The following DYNC1I1 variants were observed in gnomAD, a reference collection of about 807,000 sequenced individuals.
DYNC1I1 encodes dynein cytoplasmic 1 intermediate chain 1.
In DYNC1I1, 43 loss-of-function variants were observed where a neutral mutation model predicts 86.6. The ratio of observed to expected loss-of-function variants is 0.50; its 90% CI spans 0.39 to 0.64. DYNC1I1 has a LOEUF of 0.64. Among genes scored for constraint, DYNC1I1 ranks in the 30% least tolerant of loss-of-function variants. The pLI is 0.00. For missense variants in DYNC1I1, 604 were observed against 788.8 expected (o/e 0.77, Z 2.81); for synonymous variants, 262 against 283.7 (o/e 0.92, Z 0.77).
chr7:96,013,411 T>G (rs1794325649), intron 10 of DYNC1I1, among the ~76,000 whole-genome samples: 1 of 152,086 alleles, frequency 6.6e-6, no homozygotes, highest in Non-Finnish European at 1.5e-5. Context: ...GATAATAAAT[T>G]TATGTTGTTT....
At chr7:95,827,315 A>C (rs934508081) in intron 4 of DYNC1I1, among the ~76,000 whole-genome samples, 3 of 152,200 alleles carry the variant, frequency 2.0e-5, no homozygotes, top group Non-Finnish European at 2.9e-5. Flanking sequence ...CCTGGCTGAG[A>C]AAAGTCCTGG....
intron 6 of DYNC1I1, among the ~76,000 whole-genome samples, chr7:95,975,885 A>G (rs535912778): frequency 1.1e-4 from 16 of 152,304 alleles, no homozygotes; most frequent in African/African-American, 3.8e-4. Context: ...TCTTCACTAG[A>G]CTTTGTGTTT....
chr7:95,937,364 T>C (rs1792074097), intron 6 of DYNC1I1, among the ~76,000 whole-genome samples: 1 of 152,074 alleles, frequency 6.6e-6, no homozygotes, highest in Non-Finnish European at 1.5e-5. Flanking sequence ...GTGATGGGTA[T>C]GTTAATTAGC....
intron 9 of DYNC1I1, among the ~76,000 whole-genome samples, chr7:95,995,582 TA>T (rs1310772171): frequency 6.6e-6 from 1 of 152,160 alleles, no homozygotes; most frequent in Non-Finnish European, 1.5e-5. Context: ...CCTTGGAATT[TA>T]TGTAATAGAA....
intron 6 of DYNC1I1, among the ~76,000 whole-genome samples, chr7:95,975,428 G>T (rs1793279362): frequency 6.6e-6 from 1 of 152,096 alleles, no homozygotes; most frequent in Non-Finnish European, 1.5e-5. Context: ...GTGTTCCTTG[G>T]CTTGTAAAAG....
intron 16 of DYNC1I1, among the ~76,000 whole-genome samples, chr7:96,090,059 C>A (rs1408631783): frequency 6.6e-6 from 1 of 152,002 alleles, no homozygotes; most frequent in Non-Finnish European, 1.5e-5. Context: ...TGCCCATCAA[C>A]CAGCGTTTTT....
At chr7:95,961,284 C>G (rs1164718620) in intron 6 of DYNC1I1, among the ~76,000 whole-genome samples, 1 of 152,176 alleles carries the variant, frequency 6.6e-6, no homozygotes, top group Non-Finnish European at 1.5e-5. Flanking sequence ...CTTCCATCAG[C>G]TGGCTGTGCA....
intron 6 of DYNC1I1, among the ~76,000 whole-genome samples, chr7:95,929,523 T>G (rs986209265): frequency 3.9e-5 from 6 of 152,158 alleles, no homozygotes; most frequent in African/African-American, 1.4e-4. Flanking sequence ...GCTGGGGTTG[T>G]TTGTTGTTGC....
chr7:96,083,609 C>T (rs182899100), intron 16 of DYNC1I1, among the ~76,000 whole-genome samples: 2 of 152,182 alleles, frequency 1.3e-5, no homozygotes, highest in African/African-American at 2.4e-5. Flanking sequence ...ACCTAAACTG[C>T]GGAAGGCCAG....
intron 5 of DYNC1I1, among the ~76,000 whole-genome samples, chr7:95,833,109 T>A (rs975330973): frequency 6.7e-6 from 1 of 148,552 alleles, no homozygotes; most frequent in African/African-American, 2.5e-5. Flanking sequence ...TTAGGTCTAA[T>A]GTTTAAGTCT....
At position 95,858,705 on chromosome 7, in the gene DYNC1I1, T is replaced by G. The variant is rs79630034; in HGVS notation, c.375-11178T>G. Among the ~76,000 whole-genome samples the G allele has an allele frequency of 1.6e-4, 24 of 151,762 alleles. No individual in the cohort carries two copies. The South Asian group carries it at 2.1e-3, about 13-fold the overall frequency. On this transcript the variant is annotated intron_variant, in intron 5 of 16. Coordinates refer to ENST00000447467, the MANE Select transcript of DYNC1I1 (RefSeq NM_001135556.2). ...AATCTTATGGGGCCACCATCATACA[T>G]ATGATGCATTGTTGACCAAAACATC...
chr7:96,101,482 C>G (rs1302495696), downstream of DYNC1I1, among the ~76,000 whole-genome samples: 2 of 152,040 alleles, frequency 1.3e-5, no homozygotes, highest in African/African-American at 4.8e-5. Context: ...CAGTCCTTCC[C>G]CAAAAGGACC....
intron 4 of DYNC1I1, among the ~76,000 whole-genome samples, chr7:95,813,938 T>A (rs1440650951): frequency 6.6e-6 from 1 of 152,156 alleles, no homozygotes; most frequent in Non-Finnish European, 1.5e-5. Context: ...TGAAAGTAGA[T>A]CTAGACATTC....
intron 14 of DYNC1I1, among the ~76,000 whole-genome samples, chr7:96,051,965 T>A (rs565244985): frequency 1.3e-5 from 2 of 152,254 alleles, no homozygotes; most frequent in Non-Finnish European, 1.5e-5. Context: ...GATTAAAAAA[T>A]TTATCTCTTG....
downstream of DYNC1I1, among the ~76,000 whole-genome samples, chr7:96,101,857 C>T (rs1484786509): frequency 6.6e-6 from 1 of 152,184 alleles, no homozygotes; most frequent in Non-Finnish European, 1.5e-5. Context: ...CAAAATATTA[C>T]ATCTCAGGGT....
At chr7:95,897,166 T>G (rs1257504073) in intron 6 of DYNC1I1, among the ~76,000 whole-genome samples, 1 of 152,146 alleles carries the variant, frequency 6.6e-6, no homozygotes, top group Admixed American at 6.5e-5. Flanking sequence ...ATGGGTCGTT[T>G]ATTAGCACAT....
chr7:96,110,174 ATCAGCTTTTGTTT>A, downstream of DYNC1I1: 1 of 364,446 alleles, frequency 2.7e-6, no homozygotes, highest in Non-Finnish European at 5.4e-6. Flanking sequence ...TTTCAGTTCT[ATCAGCTTTTGTTT>A]TCTGTATCCA....
chr7:95,996,012 T>C lies in DYNC1I1; in HGVS notation c.908T>C (p.Val303Ala). The C allele has an allele frequency of 6.2e-7, 1 of 1,613,672 alleles. No homozygotes were observed. Among genetic ancestry groups the C allele is most frequent in the East Asian group, 2.2e-5 (1 of 44,858 alleles). ...GATGCTCCCCATGAACCAGATGGAG[T>C]GGCCTTGGTTTGGAACATGAAGTTT... ...NEDAPHEPDG[V>A]ALVWNMKFKK... The change falls in exon 10 of 17, where the codon GTG (valine) becomes GCG (alanine). Residue 303 changes from valine (V) to alanine (A), a missense_variant. Transcript: ENST00000447467.
At chr7:95,839,776 T>TTTTGTTTGTC (rs1443022122) in intron 5 of DYNC1I1, among the ~76,000 whole-genome samples, 2 of 152,298 alleles carry the variant, frequency 1.3e-5, no homozygotes, top group Non-Finnish European at 2.9e-5. Context: ...CTCTCTTAGC[T>TTTTGTTTGTC]TTTGTTTGTC....
Sources: gnomAD v4.1 joint callset for allele counts (sites outside exome capture counted in the v4.1 genomes callset) on GRCh38, gnomAD v4.1.1 for gene constraint, MANE v1.5 for transcripts, NCBI Gene and HGNC (gene_info 2026-07-23, HGNC 2026-07-21) for gene names.